Variants in BRF1 observed in about 807,000 individuals in gnomAD.
BRF1 encodes transcription factor IIIB 90 kDa subunit.
In BRF1, 59 loss-of-function variants were observed where a neutral mutation model predicts 81.7. The ratio of observed to expected loss-of-function variants is 0.72; its 90% CI spans 0.59 to 0.90. BRF1 has a LOEUF of 0.90. Among genes scored for constraint, BRF1 ranks in the 40% least tolerant of loss-of-function variants. BRF1 has a pLI of 0.00. For missense variants in BRF1, 1,050 were observed against 936.3 expected, an observed-to-expected ratio of 1.12 and a Z score of -1.58; for synonymous variants, 491 against 395.6, an observed-to-expected ratio of 1.24 and a Z score of -2.86.
At chr14:105,312,145 GC>G (rs937660625) in intron 1 of BRF1, among the ~76,000 whole-genome samples, 4 of 152,242 alleles carry the variant, frequency 2.6e-5, no homozygotes, top group African/African-American at 9.6e-5. Context: ...TTTCCAAGCA[GC>G]CCATGGTCCT....
intron 3 of BRF1, among the ~76,000 whole-genome samples, chr14:105,272,246 G>T (rs984736652): frequency 6.6e-6 from 1 of 151,764 alleles, no homozygotes; most frequent in African/African-American, 2.4e-5. Flanking sequence ...ACAAGGCCGA[G>T]CTGCACACCG....
At chr14:105,283,815 T>G (rs1344093427) in intron 2 of BRF1, among the ~76,000 whole-genome samples, 1 of 152,138 alleles carries the variant, frequency 6.6e-6, no homozygotes, top group African/African-American at 2.4e-5. Context: ...GGAGAAAATC[T>G]TGAAGTCAGT....
At chr14:105,241,443 A>G (rs145712717) in intron 5 of BRF1, 29 bp from the exon 6 acceptor site, 38 of 1,607,402 alleles carry the variant, frequency 2.4e-5, no homozygotes, top group Non-Finnish European at 3.1e-5. Context: ...CTCAGTGCCC[A>G]CCTCCATGTG....
At chr14:105,294,804 G>C (rs72711562) in intron 1 of BRF1, among the ~76,000 whole-genome samples, 1 of 152,148 alleles carries the variant, frequency 6.6e-6, no homozygotes, top group Non-Finnish European at 1.5e-5. Flanking sequence ...GGAATGCTTC[G>C]AACAACTCTC....
chr14:105,244,872 A>C (rs2054974407), intron 5 of BRF1, among the ~76,000 whole-genome samples: 1 of 152,074 alleles, frequency 6.6e-6, no homozygotes, highest in African/African-American at 2.4e-5. Context: ...GAAAATGACC[A>C]GGTATGATAG....
chr14:105,246,569 G>A (rs587675431), intron 5 of BRF1, among the ~76,000 whole-genome samples: 2 of 152,150 alleles, frequency 1.3e-5, no homozygotes, highest in Admixed American at 6.5e-5. Context: ...TCCCTGGTTC[G>A]AGCCATTCTC....
intron 2 of BRF1, among the ~76,000 whole-genome samples, chr14:105,283,387 G>C (rs897423392): frequency 1.3e-5 from 2 of 152,120 alleles, no homozygotes; most frequent in Non-Finnish European, 2.9e-5. Flanking sequence ...AGAACCTCAG[G>C]TGGGAACCCA....
At position 105,221,812 on chromosome 14, in the gene BRF1, T is replaced by A. The variant is rs1892323168; in HGVS notation, c.1151A>T (p.Glu384Val). The A allele has an allele frequency of 1.2e-6, 2 of 1,611,340 alleles. No individual in the cohort carries two copies. The highest frequency in any genetic ancestry group is 1.7e-6 in the Non-Finnish European group (2 of 1,179,538). The change falls in exon 11 of 18, where the codon GAG becomes GTG. Residue 384 changes from glutamate (E) to valine (V), a missense_variant. By Grantham distance (121) the Glu-to-Val change is moderately radical. Around this residue, in one of 2 missense-constraint regions of BRF1, gnomAD observed 1,043 missense variants for 915.4 expected, o/e 1.14. Coordinates refer to ENST00000547530, the MANE Select transcript of BRF1 (RefSeq NM_001519.4). Reference sequence around the variant, plus strand: ...GCTGCCGGGGGCACCACCAAGGAGCTCCCGGTATAAGTCTTTGTTCAGGTG... The same window carrying A: ...GCTGCCGGGGGCACCACCAAGGAGCACCCGGTATAAGTCTTTGTTCAGGTG... Reference protein sequence around the residue: ...ASHLNKDLYRELLGGAPGSSE... With the variant: ...ASHLNKDLYRVLLGGAPGSSE...
intron 1 of BRF1, among the ~76,000 whole-genome samples, chr14:105,293,950 G>A (rs1467279777): frequency 6.6e-6 from 1 of 152,254 alleles, no homozygotes; most frequent in Non-Finnish European, 1.5e-5. Flanking sequence ...GAAAACGACA[G>A]CTCAGAGAGA....
At chr14:105,301,299 A>T (rs891475347), upstream of BRF1, 5 of 128,640 alleles carry the variant, frequency 3.9e-5, no homozygotes, top group African/African-American at 1.5e-4. Context: ...GTGAGGACTC[A>T]GCCGGATGCG....
upstream of BRF1, among the ~76,000 whole-genome samples, chr14:105,301,725 G>A (rs904217891): frequency 6.6e-6 from 1 of 152,228 alleles, no homozygotes; most frequent in African/African-American, 2.4e-5. Context: ...TTACCCGTGA[G>A]TCACCTCGCT....
chr14:105,218,796 G>A (rs185500193), intron 14 of BRF1, among the ~76,000 whole-genome samples: 3,042 of 152,342 alleles, frequency 0.02, 41 homozygotes, highest in Non-Finnish European at 0.03. Flanking sequence ...AGGTGAGGCC[G>A]ACGGCTGGGC....
In BRF1 at chr14:105,212,287, C is replaced by T. The variant is rs1337027424; in HGVS notation, c.1773-123G>A. On this transcript the variant is annotated intron_variant, in intron 15 of 17. Coordinates refer to ENST00000547530, the MANE Select transcript of BRF1 (RefSeq NM_001519.4). ...GACTGTTTCTCTGTCCCTTTGGAAG[C>T]CTGGTTCTGCGTCCAGGTTCTGTGT... 4.5e-6 allele frequency: 6 copies of T among 1,321,516 alleles called. No homozygotes were observed. The Admixed American group carries it at 6.4e-5, about 14-fold the overall frequency. The allele number at this position is 1,321,516 out of a possible 1,614,324, so 81.9% of individuals were successfully genotyped here.
chr14:105,294,503 T>C (rs939555237), intron 1 of BRF1, among the ~76,000 whole-genome samples: 7 of 152,234 alleles, frequency 4.6e-5, no homozygotes, highest in Admixed American at 3.3e-4. Flanking sequence ...CTTGCTTTCA[T>C]TACTGTTGTT....
At chr14:105,288,637 CTTTT>C (rs747428235) in intron 1 of BRF1, among the ~76,000 whole-genome samples, 15 of 137,050 alleles carry the variant, frequency 1.1e-4, no homozygotes, top group African/African-American at 3.7e-4. Context: ...TTCTTTCTTT[CTTTT>C]TTTTTTTTTT....
chr14:105,218,317 C>G (rs1245205474), intron 14 of BRF1, among the ~76,000 whole-genome samples: 4 of 152,190 alleles, frequency 2.6e-5, no homozygotes, highest in Non-Finnish European at 5.9e-5. Context: ...CCTGCTGCCC[C>G]CCGCTGCACG....
At chr14:105,314,479 G>C (rs1242703616) in intron 1 of BRF1, 2 of 149,452 alleles carry the variant, frequency 1.3e-5, no homozygotes, top group Non-Finnish European at 1.5e-5. Flanking sequence ...GGGGCGCCCC[G>C]GGCGGGGTCT....
intron 3 of BRF1, among the ~76,000 whole-genome samples, chr14:105,258,969 C>T (rs182516114): frequency 9.5e-4 from 145 of 152,212 alleles, no homozygotes; most frequent in African/African-American, 3.2e-3. Context: ...GACAATGCCA[C>T]GAGCCCGCGA....
intron 11 of BRF1, 156 bp downstream of exon 11, chr14:105,221,492 T>A: frequency 1.9e-6 from 2 of 1,066,162 alleles, no homozygotes; most frequent in South Asian, 1.7e-5. Flanking sequence ...CACAGCCCCA[T>A]TGGGGGGACT....
Sources: gnomAD v4.1 joint callset for allele counts (sites outside exome capture counted in the v4.1 genomes callset) on GRCh38, gnomAD v4.1.1 for gene constraint, gnomAD v4.1.1 regional missense constraint, MANE v1.5 for transcripts, NCBI Gene and HGNC (gene_info 2026-07-23, HGNC 2026-07-21) for gene names.